AP1B1: variants seen among roughly 807,000 people sequenced by gnomAD.
AP1B1 encodes the protein AP-1 complex subunit beta-1.
In AP1B1, 36 loss-of-function variants were observed where a neutral mutation model predicts 104.3. The ratio of observed to expected loss-of-function variants is 0.35; its 90% confidence interval spans 0.26 to 0.46. The LOEUF (loss-of-function observed/expected upper bound fraction) is 0.46, where lower values mean the gene tolerates loss of function less well. Among genes scored for constraint, AP1B1 ranks in the 20% least tolerant of loss-of-function variants. The pLI, the probability that AP1B1 is intolerant of heterozygous loss-of-function variation, is 1.00. For synonymous variants in AP1B1, 504 were observed against 517.5 expected (o/e 0.97, Z 0.35); for missense variants, 901 against 1,247.9 (o/e 0.72, Z 4.19).
intron 3 of AP1B1, 109 bp downstream of exon 3, chr22:29,362,892 G>GGA: frequency 1.5e-6 from 1 of 684,006 alleles, no homozygotes; most frequent in East Asian, 2.5e-5. Context: ...CTGTATGAGG[G>GGA]GAGACATGGG....
At chr22:29,343,259 G>A (rs1270260615) in intron 11 of AP1B1, among the ~76,000 whole-genome samples, 1 of 152,262 alleles carries the variant, frequency 6.6e-6, no homozygotes, top group African/African-American at 2.4e-5. Context: ...GGGGCAGTGG[G>A]AGCCCATAGG....
rs752521756 is a variant in AP1B1 at position 29,351,670 on chromosome 22, C to T, written c.1059+35G>A. The T allele has an allele frequency of 3.1e-6, 5 of 1,610,750 alleles. No individual in the cohort carries two copies. The African/African-American group carries it at 6.7e-5, about 21-fold the overall frequency. On this transcript the variant is annotated intron_variant, in intron 8 of 22. Transcript: ENST00000357586. ...CTGGTGGTGGTGGAATGGTCCCACA[C>T]TGAGCCCGTGTCCTGACCATCACAC...
At chr22:29,351,042 G>T in intron 9 of AP1B1, 129 bp downstream of exon 9, 1 of 830,682 alleles carries the variant, frequency 1.2e-6, no homozygotes, top group Non-Finnish European at 1.9e-6. Flanking sequence ...TGCCATGGGG[G>T]CTCCAGTGAT....
At chr22:29,339,593 C>T (rs2061684691) in intron 15 of AP1B1, among the ~76,000 whole-genome samples, 161 bp downstream of exon 15, 1 of 151,868 alleles carries the variant, frequency 6.6e-6, no homozygotes, top group African/African-American at 2.4e-5. Flanking sequence ...AGCCGGATGC[C>T]AGGTGGTCAA....
At chr22:29,372,652 C>G (rs904446836) in intron 1 of AP1B1, among the ~76,000 whole-genome samples, 1 of 151,896 alleles carries the variant, frequency 6.6e-6, no homozygotes, top group African/African-American at 2.4e-5. Flanking sequence ...CATCTAAAGA[C>G]TTTGGTTTTT....
At chr22:29,359,068 A>G in intron 4 of AP1B1, 97 bp from the exon 5 acceptor site, 1 of 1,241,136 alleles carries the variant, frequency 8.1e-7, no homozygotes, top group Non-Finnish European at 1.1e-6. Context: ...TGCTAGGCTG[A>G]GCGACATCAG....
At chr22:29,382,733 C>T (rs1287659461) in intron 1 of AP1B1, among the ~76,000 whole-genome samples, 1 of 152,016 alleles carries the variant, frequency 6.6e-6, no homozygotes, top group Non-Finnish European at 1.5e-5. Flanking sequence ...AAGAGATCGC[C>T]AGTGCAAAGG....
At chr22:29,375,553 C>G (rs1313831985) in intron 1 of AP1B1, among the ~76,000 whole-genome samples, 1 of 151,978 alleles carries the variant, frequency 6.6e-6, no homozygotes, top group Non-Finnish European at 1.5e-5. Flanking sequence ...GGGCCCAAAA[C>G]AGATTAAGAT....
At chr22:29,347,369 T>G (rs1325066750) in intron 11 of AP1B1, among the ~76,000 whole-genome samples, 1 of 152,224 alleles carries the variant, frequency 6.6e-6, no homozygotes, top group African/African-American at 2.4e-5. Context: ...CTAATTTAAC[T>G]TTCGTAGCAA....
At chr22:29,363,296 A>G (rs1447361929) in intron 2 of AP1B1, among the ~76,000 whole-genome samples, 190 bp from the exon 3 acceptor site, 1 of 152,150 alleles carries the variant, frequency 6.6e-6, no homozygotes, top group African/African-American at 2.4e-5. Context: ...ACAGGAATTA[A>G]CAAGATGGAA....
chr22:29,329,887 G>A, intron 21 of AP1B1, 167 bp from the exon 22 acceptor site: 2 of 1,460,998 alleles, frequency 1.4e-6, no homozygotes, highest in Non-Finnish European at 9.1e-7. Context: ...ACTCAGGGGT[G>A]TGGGGGAGAA....
In AP1B1 at chr22:29,349,277, C is replaced by G; in HGVS notation, c.1378G>C (p.Asp460His). Residue 460 changes from aspartate (D) to histidine (H), a missense_variant, in exon 11 of 23, where the codon GAC becomes CAC. By Grantham distance (81) the Asp-to-His change is moderately conservative. This residue lies in a region of AP1B1 where 471 missense variants were observed against 696.7 expected (regional missense o/e 0.68). Transcript: ENST00000357586. ...WIVGEYAERI[D>H]NADELLESFL... is the part of the protein sequence containing the mutation. The stretch of plus-strand genomic sequence containing the variant: ...CTCTCCAGCAGCTCATCTGCGTTGT[C>G]GATCCGTTCCGCGTACTCGCCCACA... 6.2e-7 allele frequency: 1 copy of G among 1,613,988 alleles called. No individual in the cohort carries two copies. Among genetic ancestry groups the G allele is most frequent in the Non-Finnish European group, 8.5e-7 (1 of 1,180,028 alleles).
At chr22:29,364,122 G>C (rs908316976) in intron 2 of AP1B1, among the ~76,000 whole-genome samples, 4 of 152,214 alleles carry the variant, frequency 2.6e-5, no homozygotes, top group Admixed American at 2.6e-4. Context: ...CTTGCGGGGT[G>C]AGAGCAGGAT....
At chr22:29,379,875 C>A (rs1369196262) in intron 1 of AP1B1, among the ~76,000 whole-genome samples, 1 of 152,184 alleles carries the variant, frequency 6.6e-6, no homozygotes, top group Non-Finnish European at 1.5e-5. Flanking sequence ...TGATTTACAA[C>A]CCTTCTCATT....
intron 16 of AP1B1, among the ~76,000 whole-genome samples, chr22:29,334,936 C>T (rs145457492): frequency 0.012 from 1,891 of 152,346 alleles, 20 homozygotes; most frequent in Non-Finnish European, 0.019. Flanking sequence ...GAGGACCCCT[C>T]GCCTGGCAGG....
intron 17 of AP1B1, among the ~76,000 whole-genome samples, chr22:29,333,902 A>T (rs1311733547): frequency 6.6e-6 from 1 of 151,796 alleles, no homozygotes; most frequent in Non-Finnish European, 1.5e-5. Flanking sequence ...CATCTCTACT[A>T]AAAATACAAA....
At chr22:29,369,243 T>A (rs1438472976) in intron 1 of AP1B1, among the ~76,000 whole-genome samples, 1 of 152,046 alleles carries the variant, frequency 6.6e-6, no homozygotes, top group African/African-American at 2.4e-5. Context: ...TCCAGCCCAA[T>A]TGGATTTTTC....
At chr22:29,333,643 G>T (rs1319187638) in intron 17 of AP1B1, among the ~76,000 whole-genome samples, 2 of 151,892 alleles carry the variant, frequency 1.3e-5, no homozygotes, top group East Asian at 3.9e-4. Context: ...GAGCCCAAGG[G>T]TTCAAGACCA....
intron 1 of AP1B1, among the ~76,000 whole-genome samples, chr22:29,381,526 T>C (rs367884423): frequency 5.3e-5 from 8 of 152,210 alleles, no homozygotes; most frequent in African/African-American, 1.9e-4. Flanking sequence ...TTCTCCATGT[T>C]CCATTCACGG....
Sources: gnomAD v4.1 joint callset for allele counts (sites outside exome capture counted in the v4.1 genomes callset) on GRCh38, gnomAD v4.1.1 for gene constraint, gnomAD v4.1.1 regional missense constraint, MANE v1.5 for transcripts, NCBI Gene and HGNC (gene_info 2026-07-23, HGNC 2026-07-21) for gene names.